Variants in ANKRD24 observed in about 807,000 individuals in gnomAD.
ANKRD24 encodes ankyrin repeat domain 24, also known as ankyrin repeat domain-containing protein 24.
ANKRD24 carries 109 observed loss-of-function variants against 127.8 expected under a neutral mutation model. The observed-to-expected ratio is 0.85, with a 90% CI of 0.73 to 1.00. The LOEUF is 1.00. ANKRD24 is among the 50% of genes least tolerant of loss of function. The pLI is 0.00. For synonymous variants in ANKRD24, 743 were observed against 671.1 expected (o/e 1.11, Z -1.66); for missense variants, 1,648 against 1,570.2 (o/e 1.05, Z -0.84).
intron 1 of ANKRD24, among the ~76,000 whole-genome samples, chr19:4,185,739 C>G (rs1269373576): frequency 6.6e-6 from 1 of 152,326 alleles, no homozygotes; most frequent in South Asian, 2.1e-4. Flanking sequence ...GCAAACATGC[C>G]TCTGTGCTGA....
chr19:4,207,319 T>G lies in ANKRD24; in HGVS notation c.537+7T>G. Reference sequence around the variant, plus strand: ...TCTAAACCCCCAAGATCGGGTAAGCTTCTGGGATCTCTTCAGGGAAGATGT... The same window carrying G: ...TCTAAACCCCCAAGATCGGGTAAGCGTCTGGGATCTCTTCAGGGAAGATGT... On this transcript the variant is annotated splice_region_variant and intron_variant, in intron 8 of 21. Coordinates refer to ENST00000318934, the MANE Select transcript of ANKRD24 (RefSeq NM_001393985.1). 6.2e-7 allele frequency: 1 copy of G among 1,613,164 alleles called. No individual in the cohort carries two copies. The highest frequency in any genetic ancestry group is 8.5e-7 in the Non-Finnish European group (1 of 1,179,176).
chr19:4,217,561 C>T lies in ANKRD24; in HGVS notation c.2401C>T (p.Arg801Trp), dbSNP rs1406947791. 1.1e-5 allele frequency: 15 copies of T among 1,313,640 alleles called. No individual in the cohort carries two copies. Among genetic ancestry groups the T allele is most frequent in the South Asian group, 2.0e-5 (1 of 49,020 alleles). 81.4% of individuals were successfully genotyped at this position (1,313,640 alleles called of 1,614,324 possible). Residue 801 changes from arginine (R) to tryptophan (W), a missense_variant, in exon 18 of 22, where the codon CGG becomes TGG. Arg to Trp is a moderately radical substitution (Grantham distance 101, BLOSUM62 -3). Transcript: ENST00000318934. ...GCAGGCCCGGGAGGACCTCCGAGAC[C>T]GGGACTCCCGCCTGCGGGAGCTGGA... ...LEQAREDLRD[R>W]DSRLRELEAA...
chr19:4,213,743 G>T (rs977735105), intron 15 of ANKRD24, among the ~76,000 whole-genome samples: 1 of 152,072 alleles, frequency 6.6e-6, no homozygotes, highest in Non-Finnish European at 1.5e-5. Context: ...TGATACTCCT[G>T]CCTACCGCAG....
At chr19:4,212,719 G>A in intron 15 of ANKRD24, 21 bp downstream of exon 15, 1 of 1,547,136 alleles carries the variant, frequency 6.5e-7, no homozygotes, top group South Asian at 1.2e-5. Flanking sequence ...TGATGAGTCA[G>A]GGCTGGGCTG....
chr19:4,211,194 C>T (rs1448806871), intron 13 of ANKRD24, among the ~76,000 whole-genome samples: 4 of 152,178 alleles, frequency 2.6e-5, no homozygotes, highest in African/African-American at 2.4e-5. Flanking sequence ...TGTGTGTCCA[C>T]CCATTTGACT....
intron 2 of ANKRD24, among the ~76,000 whole-genome samples, chr19:4,194,481 C>T (rs562228699): frequency 7.9e-5 from 12 of 152,188 alleles, no homozygotes; most frequent in Non-Finnish European, 1.3e-4. Context: ...TCATTTTTCA[C>T]GTGTCAGGAA....
chr19:4,216,882 C>T lies in ANKRD24; in HGVS notation c.1722C>T (p.Ala574=), dbSNP rs1970110280. The part of the protein sequence containing the change: ...EEAAGDETME[A]RTMEAEATGA... ...CTGCAGGAGATGAAACCATGGAAGC[C>T]AGGACTATGGAAGCTGAGGCCACGG... Residue 574 remains alanine, a synonymous_variant, in exon 18 of 22, where the codon GCC becomes GCT. Coordinates refer to ENST00000318934, the MANE Select transcript of ANKRD24 (RefSeq NM_001393985.1). The T allele has an allele frequency of 6.2e-7, 1 of 1,611,554 alleles. No individual in the cohort carries two copies.
At position 4,224,445 on chromosome 19, in the gene ANKRD24, T is replaced by C. The variant is rs377193118; in HGVS notation, c.3381T>C (p.Asp1127=). 5.0e-6 allele frequency: 8 copies of C among 1,613,396 alleles called. No homozygotes were observed. The highest frequency in any genetic ancestry group is 5.9e-6 in the Non-Finnish European group (7 of 1,179,772). Residue 1127 remains aspartate (D), a synonymous_variant, in exon 22 of 22, where the codon GAT becomes GAC. Coordinates refer to ENST00000318934, the MANE Select transcript of ANKRD24 (RefSeq NM_001393985.1). ...AACCCTAGGGCCAGATGGATGAAGATGTGCAGCGGATTCTCAGCCAGATTC... is the reference window on the plus strand; with the variant it reads ...AACCCTAGGGCCAGATGGATGAAGACGTGCAGCGGATTCTCAGCCAGATTC... ...LYAIQGQMDE[D]VQRILSQILQ...
intron 7 of ANKRD24, among the ~76,000 whole-genome samples, chr19:4,206,340 A>T (rs996129703): frequency 2.1e-4 from 32 of 151,198 alleles, no homozygotes; most frequent in African/African-American, 3.4e-4. Context: ...ATAAAAAATT[A>T]AAAAAAAGAA....
rs1970060905 is a variant in ANKRD24 at position 4,216,265 on chromosome 19, A to T, written c.1271-19A>T. ...CTGTGGCCCAGGTCCCCAGGGCCTGACTCTGCGTCCCCCTCCAGGGGCCGA... is the reference window on the plus strand; with the variant it reads ...CTGTGGCCCAGGTCCCCAGGGCCTGTCTCTGCGTCCCCCTCCAGGGGCCGA... On this transcript the variant is annotated intron_variant, in intron 16 of 21. Transcript: ENST00000318934. 2 of 1,550,366 alleles carry T rather than the reference A, an allele frequency of 1.3e-6. No homozygotes were observed. Among genetic ancestry groups the T allele is most frequent in the East Asian group, 4.9e-5 (2 of 40,880 alleles).
chr19:4,200,244 C>T, intron 5 of ANKRD24, 73 bp downstream of exon 5: 5 of 1,447,660 alleles, frequency 3.5e-6, no homozygotes, highest in Middle Eastern at 4.7e-4. Context: ...CCAGCCAGAC[C>T]CTGCTCCCAG....
rs1275847937 is a variant in ANKRD24 at position 4,195,371 on chromosome 19, G to T, written c.37-4312G>T. Among the ~76,000 whole-genome samples, 2 of 152,074 alleles carry T rather than the reference G, an allele frequency of 1.3e-5. No homozygotes were observed. Among genetic ancestry groups the T allele is most frequent in the African/African-American group, 4.8e-5 (2 of 41,420 alleles). On this transcript the variant is annotated intron_variant, in intron 2 of 21. Coordinates refer to ENST00000318934, the MANE Select transcript of ANKRD24 (RefSeq NM_001393985.1). This position sits in a 1 kb window ranked among gnomAD's most constrained non-coding sequence, Gnocchi z 4.2. Reference sequence around the variant, plus strand: ...TGACAGGCGTGAGCCACCATGCCTGGCCATTTGCTCTGATCTTGTATGGCA... The same window carrying T: ...TGACAGGCGTGAGCCACCATGCCTGTCCATTTGCTCTGATCTTGTATGGCA...
chr19:4,218,283 T>TTTTTTTTATTTATTTA (rs1970243081), intron 18 of ANKRD24, 120 bp downstream of exon 18: 20 of 658,840 alleles, frequency 3.0e-5, no homozygotes, highest in Admixed American at 1.3e-4. Flanking sequence ...ACCTACTTTA[T>TTTTTTTTATTTATTTA]TTTATTTATT....
At chr19:4,223,307 G>A (rs1177763022) in intron 20 of ANKRD24, among the ~76,000 whole-genome samples, 2 of 148,260 alleles carry the variant, frequency 1.3e-5, no homozygotes, top group Non-Finnish European at 3.0e-5. Flanking sequence ...ATAGCTCACT[G>A]AGCAGCCTCA....
In ANKRD24 at chr19:4,217,439, A is replaced by G. The variant is rs1489841661; in HGVS notation, c.2279A>G (p.Glu760Gly). The stretch of plus-strand genomic sequence containing the variant: ...GGGAAGTGCGAGGCCGCGGAGGCCG[A>G]GGCAGGCCGGCTGCGAGAGCGTGTC... ...ALGKCEAAEAEAGRLRERVRE... is the reference protein window; with the variant it reads ...ALGKCEAAEAGAGRLRERVRE... The change falls in exon 18 of 22, where the codon GAG (glutamate) becomes GGG (glycine). Residue 760 changes from glutamate (E) to glycine (G), a missense_variant. By Grantham distance (98) the Glu-to-Gly change is moderately conservative. Transcript: ENST00000318934. 2.6e-6 allele frequency: 4 copies of G among 1,531,710 alleles called. No individual in the cohort carries two copies. Among genetic ancestry groups the G allele is most frequent in the Non-Finnish European group, 3.5e-6 (4 of 1,140,024 alleles). The allele number at this position is 1,531,710 out of a possible 1,614,324, so 94.9% of individuals were successfully genotyped here. A position where few individuals can be genotyped will look rare whatever the true frequency, so the allele number is the denominator to read the frequency against.
chr19:4,218,127 A>C lies in ANKRD24; in HGVS notation c.2967A>C (p.Gly989=). 6.5e-7 allele frequency: 1 copy of C among 1,538,188 alleles called. No individual in the cohort carries two copies. Among genetic ancestry groups the C allele is most frequent in the Non-Finnish European group, 8.7e-7 (1 of 1,143,736 alleles). The change falls in exon 18 of 22, where the codon GGA becomes GGC. Residue 989 remains glycine, a synonymous_variant. Coordinates refer to ENST00000318934, the MANE Select transcript of ANKRD24 (RefSeq NM_001393985.1). Reference sequence around the variant, plus strand: ...TGGAGGGGCAGCTGGAGGAGCTGGGACGGCGGCATGAGAAGACCAGCGCAG... The same window carrying C: ...TGGAGGGGCAGCTGGAGGAGCTGGGCCGGCGGCATGAGAAGACCAGCGCAG... The part of the protein sequence containing the change: ...AQLEGQLEEL[G]RRHEKTSAEV...
rs1184739486 is a variant in ANKRD24 at position 4,195,104 on chromosome 19, A to G, written c.37-4579A>G. Among the ~76,000 whole-genome samples, 19 of 140,896 alleles carry G rather than the reference A, an allele frequency of 1.3e-4. 1 individual carries two copies. Among genetic ancestry groups the G allele is most frequent in the East Asian group, 5.1e-4 (2 of 3,956 alleles). The allele number at this position is 140,896 out of a possible 152,430, so 92.4% of individuals were successfully genotyped here. ...TGTTTGTTTTTAGAGAGGGAGTCTC[A>G]CTCTGTCACCCAGGTTGGAGTGCAG... On this transcript the variant is annotated intron_variant, in intron 2 of 21. Coordinates refer to ENST00000318934, the MANE Select transcript of ANKRD24 (RefSeq NM_001393985.1). The surrounding 1 kb of genome is among the most constrained non-coding windows in gnomAD (Gnocchi z 4.2).
intron 15 of ANKRD24, among the ~76,000 whole-genome samples, chr19:4,214,459 C>T (rs892045582): frequency 1.3e-5 from 2 of 152,092 alleles, no homozygotes; most frequent in African/African-American, 4.8e-5. Context: ...TTTCTGAAAA[C>T]ACACAATTAT....
intron 7 of ANKRD24, among the ~76,000 whole-genome samples, chr19:4,205,262 A>G (rs1969321598): frequency 6.6e-6 from 1 of 152,064 alleles, no homozygotes; most frequent in Admixed American, 6.5e-5. Context: ...AACAACAACA[A>G]CAAACAGTTA....
Sources: allele counts gnomAD v4.1 joint callset (sites outside exome capture counted in the v4.1 genomes callset), GRCh38; gene constraint gnomAD v4.1.1; non-coding constraint Gnocchi (gnomAD v3.1); transcripts MANE v1.5; gene names NCBI Gene and HGNC (gene_info 2026-07-23, HGNC 2026-07-21).